COL26A1: variants seen among roughly 807,000 people sequenced by gnomAD.
The protein encoded by COL26A1 is collagen type XXVI alpha 1 chain.
COL26A1 carries 41 observed loss-of-function variants against 59.3 expected under a neutral mutation model. That is an observed-to-expected ratio of 0.69 (90% CI 0.54 to 0.90). COL26A1 has a LOEUF of 0.90. COL26A1 is among the 40% of genes least tolerant of loss of function. The pLI, the probability that COL26A1 is intolerant of heterozygous loss-of-function variation, is 0.00. For synonymous variants in COL26A1, 266 were observed against 256.0 expected (o/e 1.04, Z -0.37); for missense variants, 612 against 602.3 (o/e 1.02, Z -0.17).
chr7:101,526,151 C>T (rs183388353), intron 3 of COL26A1, among the ~76,000 whole-genome samples: 54 of 152,042 alleles, frequency 3.6e-4, no homozygotes, highest in African/African-American at 1.2e-3. Flanking sequence ...TGGGTTCAAG[C>T]GATTCTCCTG....
chr7:101,545,394 C>T lies in COL26A1; in HGVS notation c.760C>T (p.Pro254Ser). 6.3e-7 allele frequency: 1 copy of T among 1,590,608 alleles called. No homozygotes were observed. Among genetic ancestry groups the T allele is most frequent in the Non-Finnish European group, 8.5e-7 (1 of 1,171,958 alleles). Residue 254 changes from proline to serine, a missense_variant, in exon 7 of 13, where the codon CCC becomes TCC. By Grantham distance (74) the Pro-to-Ser change is moderately conservative. Transcript: ENST00000313669. ...TCCTGGAGAGATGGGGCGCCCCGGC[C>T]CCCCAGGACCACCCGGCCCAGCAGG... ...GLPGEMGRPG[P>S]PGPPGPAGNP...
intron 1 of COL26A1, among the ~76,000 whole-genome samples, chr7:101,414,310 G>A (rs996502569): frequency 1.3e-5 from 2 of 152,052 alleles, no homozygotes; most frequent in African/African-American, 2.4e-5. Flanking sequence ...GATGCTGGAC[G>A]ACGGCCTGTC....
chr7:101,412,543 G>T (rs766529617), intron 1 of COL26A1, among the ~76,000 whole-genome samples: 1 of 151,454 alleles, frequency 6.6e-6, no homozygotes, highest in Admixed American at 6.6e-5. Context: ...TACTAGGGAG[G>T]CTGAGACAGG....
At chr7:101,528,856 C>A (rs1795306974) in intron 3 of COL26A1, among the ~76,000 whole-genome samples, 1 of 152,056 alleles carries the variant, frequency 6.6e-6, no homozygotes, top group African/African-American at 2.4e-5. Flanking sequence ...TCCTTCTTTT[C>A]TTTTTTAAAT....
intron 1 of COL26A1, among the ~76,000 whole-genome samples, chr7:101,386,354 C>T (rs1791577987): frequency 1.3e-5 from 2 of 151,578 alleles, no homozygotes; most frequent in South Asian, 4.2e-4. Flanking sequence ...ACTGCAGCCT[C>T]AACCTCCTGG....
chr7:101,370,035 T>C (rs999995721), intron 1 of COL26A1, among the ~76,000 whole-genome samples: 1 of 151,928 alleles, frequency 6.6e-6, no homozygotes, highest in Non-Finnish European at 1.5e-5. Context: ...GCTAATTTTG[T>C]ATTTTTTGTA....
chr7:101,506,292 A>G (rs920473037), intron 3 of COL26A1, among the ~76,000 whole-genome samples: 5 of 152,244 alleles, frequency 3.3e-5, no homozygotes, highest in Admixed American at 2.6e-4. Flanking sequence ...TTTTCTGCAC[A>G]CAGAGCTGCT....
At chr7:101,480,572 C>T (rs1477242798) in intron 3 of COL26A1, among the ~76,000 whole-genome samples, 2 of 152,138 alleles carry the variant, frequency 1.3e-5, no homozygotes, top group Non-Finnish European at 2.9e-5. Flanking sequence ...GCAATCCTGG[C>T]TTACCATAAC....
At chr7:101,445,163 T>G (rs1355369585) in intron 2 of COL26A1, among the ~76,000 whole-genome samples, 1 of 152,152 alleles carries the variant, frequency 6.6e-6, no homozygotes. Context: ...TTTACTATTA[T>G]TTTTTGTTTG....
chr7:101,398,939 G>A (rs1184423757), intron 1 of COL26A1, among the ~76,000 whole-genome samples: 2 of 152,064 alleles, frequency 1.3e-5, no homozygotes, highest in East Asian at 3.9e-4. Flanking sequence ...GGTGTGGAGT[G>A]AGCCCCTGGG....
At position 101,387,630 on chromosome 7, in the gene COL26A1, G is replaced by GCTCTCTCTCTCTCTCT. The variant is rs374185692; in HGVS notation, c.158+24441_158+24456dup. 6.5e-3 allele frequency among the ~76,000 whole-genome samples: 859 copies of GCTCTCTCTCTCTCTCT among 132,374 alleles called. 15 individuals carry two copies. The highest frequency in any genetic ancestry group is 0.023 in the African/African-American group (813 of 35,398). The allele number at this position is 132,374 out of a possible 152,430, so 86.8% of individuals were successfully genotyped here. Reference sequence around the variant, plus strand: ...TGCAGTGTGAAGCATTCTCTCTCTCGCTCTCTCTCTCTCTCTTTATATATA... The same window carrying GCTCTCTCTCTCTCTCT: ...TGCAGTGTGAAGCATTCTCTCTCTCGCTCTCTCTCTCTCTCTCTCTCTCTCTCTCTCTTTATATATA... On this transcript the variant is annotated intron_variant, in intron 1 of 12. Coordinates refer to ENST00000313669, the MANE Select transcript of COL26A1 (RefSeq NM_001278563.3).
chr7:101,514,413 G>A (rs1325562330), intron 3 of COL26A1, among the ~76,000 whole-genome samples: 2 of 152,180 alleles, frequency 1.3e-5, no homozygotes, highest in African/African-American at 2.4e-5. Flanking sequence ...CCACCAGATT[G>A]GCAGAGCTGC....
intron 3 of COL26A1, among the ~76,000 whole-genome samples, chr7:101,503,263 A>G (rs1285341624): frequency 1.3e-5 from 2 of 152,140 alleles, no homozygotes; most frequent in African/African-American, 2.4e-5. Flanking sequence ...CCTGGTTTGT[A>G]TGTCTCAGAA....
chr7:101,446,551 CA>C (rs1223339451), intron 2 of COL26A1, among the ~76,000 whole-genome samples: 1 of 151,992 alleles, frequency 6.6e-6, no homozygotes, highest in African/African-American at 2.4e-5. Flanking sequence ...AGGGGAATTG[CA>C]ATAGAGAAAG....
chr7:101,547,101 C>T, intron 7 of COL26A1, 55 bp from the exon 8 acceptor site: 1 of 1,324,102 alleles, frequency 7.6e-7, no homozygotes, highest in South Asian at 1.3e-5. Context: ...GACCAGCCTC[C>T]CAGCACTGCC....
chr7:101,385,689 T>A (rs6964332), intron 1 of COL26A1, among the ~76,000 whole-genome samples: 91 of 149,866 alleles, frequency 6.1e-4, no homozygotes, highest in Middle Eastern at 3.5e-3. Context: ...TTGAAAAAAA[T>A]TTTTTTTAAT....
At chr7:101,411,247 C>A (rs1792234633) in intron 1 of COL26A1, among the ~76,000 whole-genome samples, 2 of 152,188 alleles carry the variant, frequency 1.3e-5, no homozygotes, top group Non-Finnish European at 2.9e-5. Context: ...TGTCCGCCGT[C>A]TTCAGGAGCT....
chr7:101,398,081 G>A (rs1162539712), intron 1 of COL26A1, among the ~76,000 whole-genome samples: 1 of 152,152 alleles, frequency 6.6e-6, no homozygotes, highest in Non-Finnish European at 1.5e-5. Context: ...GACTTCTTTT[G>A]CTCTGCATCA....
chr7:101,387,736 TTATA>T (rs369463267), intron 1 of COL26A1, among the ~76,000 whole-genome samples: 14 of 106,936 alleles, frequency 1.3e-4, no homozygotes, highest in African/African-American at 5.4e-4. Flanking sequence ...TTTAATATAA[TTATA>T]TATATATATA....
Sources: gnomAD v4.1 joint callset for allele counts (sites outside exome capture counted in the v4.1 genomes callset) on GRCh38, gnomAD v4.1.1 for gene constraint, MANE v1.5 for transcripts, NCBI Gene and HGNC (gene_info 2026-07-23, HGNC 2026-07-21) for gene names.